MAP2K3: variants seen among roughly 807,000 people sequenced by gnomAD.
MAP2K3 encodes dual specificity mitogen-activated protein kinase kinase 3.
In MAP2K3, 30 loss-of-function variants were observed where a neutral mutation model predicts 46.4. The observed-to-expected ratio is 0.65, with a 90% CI of 0.48 to 0.88. The LOEUF is 0.88. MAP2K3 is among the 40% of genes least tolerant of loss of function. MAP2K3 has a pLI of 0.00. For synonymous variants in MAP2K3, 189 were observed against 176.3 expected (o/e 1.07, Z -0.57); for missense variants, 380 against 464.5 (o/e 0.82, Z 1.67).
chr17:21,290,067 A>G (rs1975843075), intron 1 of MAP2K3, among the ~76,000 whole-genome samples: 1 of 152,178 alleles, frequency 6.6e-6, no homozygotes, highest in Non-Finnish European at 1.5e-5. Flanking sequence ...GATGCCCCCA[A>G]GGGCTTCCAA....
At chr17:21,302,449 G>A (rs1156599792) in intron 6 of MAP2K3, among the ~76,000 whole-genome samples, 190 bp downstream of exon 6, 1 of 152,288 alleles carries the variant, frequency 6.6e-6, no homozygotes, top group Non-Finnish European at 1.5e-5. Flanking sequence ...TTTGTGCTTA[G>A]GAGACCTCCG....
At chr17:21,297,912 G>A (rs1381441852) in intron 1 of MAP2K3, among the ~76,000 whole-genome samples, 1 of 152,198 alleles carries the variant, frequency 6.6e-6, no homozygotes, top group Non-Finnish European at 1.5e-5. Flanking sequence ...CCGGGCTGGA[G>A]TCCCCGCCTG....
intron 9 of MAP2K3, among the ~76,000 whole-genome samples, chr17:21,309,941 T>C (rs545832827): frequency 6.6e-6 from 1 of 151,880 alleles, no homozygotes; most frequent in Non-Finnish European, 1.5e-5. Flanking sequence ...TTAAAAAAAA[T>C]TTTGTAGCAT....
chr17:21,300,667 G>A lies in MAP2K3; in HGVS notation c.279+9G>A. 1.2e-6 allele frequency: 2 copies of A among 1,605,746 alleles called. No homozygotes were observed. Among genetic ancestry groups the A allele is most frequent in the East Asian group, 2.2e-5 (1 of 44,592 alleles). On this transcript the variant is annotated intron_variant, in intron 4 of 11. Coordinates refer to ENST00000342679, the MANE Select transcript of MAP2K3 (RefSeq NM_145109.3). ...CCATCATGGCCGTGAAGGTGAGCAG[G>A]GCCTGGAGGCAGCTGGGAGGGCTCC...
At chr17:21,309,462 G>A (rs2144648272) in intron 9 of MAP2K3, among the ~76,000 whole-genome samples, 1 of 152,256 alleles carries the variant, frequency 6.6e-6, no homozygotes, top group Admixed American at 6.5e-5. Context: ...GGCACAGTAA[G>A]GGGAAAATGA....
intron 10 of MAP2K3, 55 bp from the exon 11 acceptor site, chr17:21,313,436 TG>T: frequency 6.5e-7 from 1 of 1,537,804 alleles, no homozygotes; most frequent in Non-Finnish European, 8.9e-7. Flanking sequence ...GGCTGGCCCT[TG>T]GGGGCTGGGC....
At chr17:21,305,207 G>C in intron 9 of MAP2K3, 79 bp downstream of exon 9, 1 of 1,546,208 alleles carries the variant, frequency 6.5e-7, no homozygotes, top group Non-Finnish European at 8.9e-7. Flanking sequence ...GAGCTTTTGG[G>C]GGACTCATCA....
At position 21,313,519 on chromosome 17, in the gene MAP2K3, G is replaced by C. The variant is rs1977262655; in HGVS notation, c.942G>C (p.Met314Ile). Residue 314 changes from methionine to isoleucine, a missense_variant, in exon 11 of 12, where the codon ATG (methionine) becomes ATC (isoleucine). Coordinates refer to ENST00000342679, the MANE Select transcript of MAP2K3 (RefSeq NM_145109.3). Reference sequence around the variant, plus strand: ...TGAGGAAGAACCCCGCAGAGCGTATGAGCTACCTGGAGCTGATGGTGAGTA... The same window carrying C: ...TGAGGAAGAACCCCGCAGAGCGTATCAGCTACCTGGAGCTGATGGTGAGTA... ...QCLRKNPAERMSYLELMEHPF... is the reference protein window; with the variant it reads ...QCLRKNPAERISYLELMEHPF... 5.0e-6 allele frequency: 8 copies of C among 1,611,262 alleles called. No individual in the cohort carries two copies. In the South Asian group the frequency reaches 8.8e-5, roughly 18 times the overall value.
chr17:21,296,029 AT>A (rs1299072417), intron 1 of MAP2K3: 2 of 1,286,878 alleles, frequency 1.6e-6, no homozygotes, highest in Non-Finnish European at 2.0e-6. Flanking sequence ...GACATCAGGA[AT>A]AAAAGCTACC....
intron 11 of MAP2K3, 190 bp downstream of exon 11, chr17:21,313,727 G>A (rs575210798): frequency 3.2e-6 from 2 of 624,718 alleles, no homozygotes; most frequent in East Asian, 5.5e-5. Flanking sequence ...CTTCCTGCAT[G>A]CCAGGCCCTG....
intron 1 of MAP2K3, chr17:21,291,306 T>C (rs1975915267): frequency 3.7e-5 from 1 of 27,182 alleles, no homozygotes; most frequent in Non-Finnish European, 7.3e-5. Context: ...TACAATAGAA[T>C]ACAATACAAT....
intron 9 of MAP2K3, among the ~76,000 whole-genome samples, chr17:21,306,026 T>C (rs1157330813): frequency 6.6e-6 from 1 of 152,272 alleles, no homozygotes; most frequent in Non-Finnish European, 1.5e-5. Flanking sequence ...TAAGATGTGG[T>C]GAGAAGCGCT....
Position 21,285,327 on chromosome 17 carries a change from G to A in MAP2K3, c.49+358G>A, listed in dbSNP as rs1290071301. On this transcript the variant is annotated intron_variant, in intron 1 of 11. Transcript: ENST00000342679. ...AGTCTTCTCCCTCAGCGGGACCCAG[G>A]TGAGATTCACACTGGCCTTCACCTG... The A allele has an allele frequency of 2.0e-5, 20 of 981,050 alleles. 1 individual carries two copies. The highest frequency in any genetic ancestry group is 2.4e-5 in the Non-Finnish European group (20 of 826,092). 60.8% of individuals were successfully genotyped at this position (981,050 alleles called of 1,614,324 possible). A position where few individuals can be genotyped will look rare whatever the true frequency, so the allele number is the denominator to read the frequency against.
chr17:21,296,267 G>A (rs1191043961), intron 1 of MAP2K3: 1 of 1,110,460 alleles, frequency 9.0e-7, no homozygotes, highest in Non-Finnish European at 1.2e-6. Flanking sequence ...AGGTGCAGAG[G>A]AGGGCACCAT....
chr17:21,294,900 T>C (rs1250899473), intron 1 of MAP2K3, among the ~76,000 whole-genome samples: 5 of 152,308 alleles, frequency 3.3e-5, no homozygotes, highest in Non-Finnish European at 7.3e-5. Context: ...AGAGTTGCAG[T>C]TGAGCCCAGG....
At chr17:21,305,319 T>C (rs1461636064) in intron 9 of MAP2K3, among the ~76,000 whole-genome samples, 191 bp downstream of exon 9, 8 of 152,268 alleles carry the variant, frequency 5.3e-5, no homozygotes, top group Non-Finnish European at 1.5e-5. Flanking sequence ...AGGGTCAGGG[T>C]CACTCATCGT....
intron 7 of MAP2K3, 148 bp from the exon 8 acceptor site, chr17:21,304,277 TG>T: frequency 1.4e-6 from 2 of 1,426,126 alleles, no homozygotes; most frequent in Non-Finnish European, 1.9e-6. Context: ...GTCTGACCCT[TG>T]GGACCCTGGT....
Position 21,313,528 on chromosome 17 carries a change from G to A in MAP2K3, c.951G>A (p.Leu317=), listed in dbSNP as rs778912903. ...ACCCCGCAGAGCGTATGAGCTACCT[G>A]GAGCTGATGGTGAGTATGGGCGGGA... The part of the protein sequence containing the change: ...RKNPAERMSY[L]ELMEHPFFTL... The change falls in exon 11 of 12, where the codon CTG becomes CTA. Residue 317 remains leucine (L), a synonymous_variant. Transcript: ENST00000342679. 3.7e-6 allele frequency: 6 copies of A among 1,612,692 alleles called. No homozygotes were observed. In the East Asian group the frequency reaches 1.3e-4, roughly 36 times the overall value.
chr17:21,292,284 G>C (rs1028161748), intron 1 of MAP2K3, among the ~76,000 whole-genome samples: 52 of 152,406 alleles, frequency 3.4e-4, no homozygotes, highest in African/African-American at 1.3e-3. Flanking sequence ...CACTTGAGTA[G>C]CCTTTATCAC....
Sources: gnomAD v4.1 joint callset for allele counts (sites outside exome capture counted in the v4.1 genomes callset) on GRCh38, gnomAD v4.1.1 for gene constraint, MANE v1.5 for transcripts, NCBI Gene and HGNC (gene_info 2026-07-23, HGNC 2026-07-21) for gene names.